SPAG16: variants seen among roughly 807,000 people sequenced by gnomAD.
SPAG16 encodes sperm-associated antigen 16 protein.
In SPAG16, 86 loss-of-function variants were observed where a neutral mutation model predicts 80.4. The ratio of observed to expected loss-of-function variants is 1.07; its 90% CI spans 0.90 to 1.28. SPAG16 has a LOEUF of 1.28. Among genes scored for constraint, SPAG16 ranks in the 50% most tolerant of loss-of-function variants. The probability of loss-of-function intolerance (pLI) is 0.00; values close to 1 mark genes in which losing one functional copy is unlikely to be tolerated. For missense variants in SPAG16, 870 were observed against 765.3 expected, an observed-to-expected ratio of 1.14 and a Z score of -1.61; for synonymous variants, 294 against 265.9, an observed-to-expected ratio of 1.11 and a Z score of -1.03.
chr2:213,634,941 T>A (rs2062303027), intron 10 of SPAG16, among the ~76,000 whole-genome samples: 1 of 152,152 alleles, frequency 6.6e-6, no homozygotes, highest in African/African-American at 2.4e-5. Context: ...TTCACTCATA[T>A]ATATATATAT....
chr2:213,982,063 C>T (rs1187411561), intron 12 of SPAG16, among the ~76,000 whole-genome samples: 1 of 151,632 alleles, frequency 6.6e-6, no homozygotes, highest in Non-Finnish European at 1.5e-5. Context: ...TATAGATGAA[C>T]TGTAACAAAT....
Position 214,271,845 on chromosome 2 carries a change from C to A in SPAG16, c.1720+122579C>A, listed in dbSNP as rs529696974. On this transcript the variant is annotated intron_variant, in intron 15 of 15. Transcript: ENST00000331683. ...AAAAAAAGAGAAACTGTGGGAAACC[C>A]CCCCCCCAAAAAAAAAGAAAGAAAA... Among the ~76,000 whole-genome samples, 259 of 142,622 alleles carry A rather than the reference C, an allele frequency of 1.8e-3. 1 individual carries two copies. The highest frequency in any genetic ancestry group is 0.011 in the East Asian group (51 of 4,778). The allele number at this position is 142,622 out of a possible 152,430, so 93.6% of individuals were successfully genotyped here.
chr2:213,465,552 G>T (rs1038023494), intron 9 of SPAG16, among the ~76,000 whole-genome samples: 1 of 152,198 alleles, frequency 6.6e-6, no homozygotes, highest in Non-Finnish European at 1.5e-5. Flanking sequence ...AGGAGAGCCA[G>T]ATTCTTAACT....
chr2:213,998,964 G>A (rs572206722), intron 12 of SPAG16, among the ~76,000 whole-genome samples: 15 of 152,288 alleles, frequency 9.8e-5, no homozygotes, highest in African/African-American at 3.4e-4. Context: ...TGACTTGGGT[G>A]CTGTTAAAGG....
chr2:213,550,044 T>C (rs1009223882), intron 10 of SPAG16, among the ~76,000 whole-genome samples: 4 of 152,126 alleles, frequency 2.6e-5, no homozygotes, highest in African/African-American at 4.8e-5. Context: ...CTTTTAAGTT[T>C]TTACATTTAT....
intron 5 of SPAG16, among the ~76,000 whole-genome samples, chr2:213,328,672 C>G (rs918324496): frequency 3.9e-5 from 6 of 152,136 alleles, no homozygotes; most frequent in Non-Finnish European, 8.8e-5. Context: ...TTTCCTGTCT[C>G]TTTGTCCATC....
intron 15 of SPAG16, among the ~76,000 whole-genome samples, chr2:214,152,255 T>C (rs970997558): frequency 1.3e-5 from 2 of 152,216 alleles, no homozygotes; most frequent in African/African-American, 4.8e-5. Context: ...AATAGTACCT[T>C]ATCTGTCTTA....
chr2:214,229,475 T>C (rs1355385674), intron 15 of SPAG16, among the ~76,000 whole-genome samples: 1 of 151,790 alleles, frequency 6.6e-6, no homozygotes, highest in Non-Finnish European at 1.5e-5. Flanking sequence ...ATTATATTTA[T>C]ATGTATGTGT....
chr2:214,200,898 A>G (rs1235979096), intron 15 of SPAG16, among the ~76,000 whole-genome samples: 2 of 152,200 alleles, frequency 1.3e-5, no homozygotes, highest in Non-Finnish European at 2.9e-5. Context: ...CAAGTTTAAC[A>G]TATTTGATAA....
rs376466987 is a variant in SPAG16, at chr2:214,062,299, A to G, written c.1528-45897A>G. ...GTTAGGTGTGGTGGCACATGCCTTAATCCCAGCTACTCAGGAGGCTGAGGC... is the reference window on the plus strand; with the variant it reads ...GTTAGGTGTGGTGGCACATGCCTTAGTCCCAGCTACTCAGGAGGCTGAGGC... On this transcript the variant is annotated intron_variant, in intron 13 of 15. Transcript: ENST00000331683. Among the ~76,000 whole-genome samples, 9 of 151,708 alleles carry G rather than the reference A, an allele frequency of 5.9e-5. No individual in the cohort carries two copies. The South Asian group carries it at 1.3e-3, about 21-fold the overall frequency.
intron 10 of SPAG16, among the ~76,000 whole-genome samples, chr2:213,687,806 C>T (rs1462356101): frequency 2.6e-5 from 4 of 152,160 alleles, no homozygotes; most frequent in African/African-American, 9.7e-5. Context: ...CCTCAAATTG[C>T]AAGATTTTGG....
At chr2:213,695,449 A>G (rs1341398944) in intron 10 of SPAG16, among the ~76,000 whole-genome samples, 2 of 152,218 alleles carry the variant, frequency 1.3e-5, no homozygotes, top group Non-Finnish European at 2.9e-5. Context: ...TGTGACAGGT[A>G]CTGTTCTGGG....
chr2:213,941,376 G>A (rs2079190444), intron 12 of SPAG16, among the ~76,000 whole-genome samples: 1 of 151,950 alleles, frequency 6.6e-6, no homozygotes, highest in African/African-American at 2.4e-5. Context: ...GCATGTAGAC[G>A]CTATCACTGA....
chr2:213,971,974 G>C (rs1390085650), intron 12 of SPAG16, among the ~76,000 whole-genome samples: 1 of 151,030 alleles, frequency 6.6e-6, no homozygotes, highest in South Asian at 2.1e-4. Flanking sequence ...TGGGTGCATA[G>C]CCATATATAT....
At chr2:213,735,405 C>T (rs1285991814) in intron 10 of SPAG16, among the ~76,000 whole-genome samples, 1 of 152,066 alleles carries the variant, frequency 6.6e-6, no homozygotes, top group Non-Finnish European at 1.5e-5. Context: ...GTTTCAAATC[C>T]TATAGAAGAG....
chr2:213,696,253 A>C (rs1021932676), intron 10 of SPAG16, among the ~76,000 whole-genome samples: 2 of 152,220 alleles, frequency 1.3e-5, no homozygotes, highest in African/African-American at 2.4e-5. Flanking sequence ...AGATCAAAAT[A>C]AAGTTGCAAT....
At chr2:213,288,865 T>G (rs1002368949) in intron 1 of SPAG16, among the ~76,000 whole-genome samples, 5 of 152,220 alleles carry the variant, frequency 3.3e-5, no homozygotes, top group African/African-American at 1.2e-4. Context: ...ACTTAATTTG[T>G]GCATGGGTTC....
intron 3 of SPAG16, among the ~76,000 whole-genome samples, chr2:213,302,250 CTGTGG>C (rs2062767202): frequency 6.6e-6 from 1 of 152,056 alleles, no homozygotes; most frequent in South Asian, 2.1e-4. Flanking sequence ...TGTGCTTATT[CTGTGG>C]TGTTTTGTTA....
At position 213,348,783 on chromosome 2, in the gene SPAG16, C is replaced by T. The variant is rs911184826; in HGVS notation, c.645-1745C>T. Among the ~76,000 whole-genome samples, 7 of 152,174 alleles carry T rather than the reference C, an allele frequency of 4.6e-5. 1 individual carries two copies. Among genetic ancestry groups the T allele is most frequent in the Admixed American group, 2.0e-4 (3 of 15,264 alleles). ...GATGGGCTTCCCTTTGTGACTAACCCGACCTTTCTCTCTGGCTGCCCTTAA... is the reference window on the plus strand; with the variant it reads ...GATGGGCTTCCCTTTGTGACTAACCTGACCTTTCTCTCTGGCTGCCCTTAA... On this transcript the variant is annotated intron_variant, in intron 6 of 15. Coordinates refer to ENST00000331683, the MANE Select transcript of SPAG16 (RefSeq NM_024532.5).
Sources: gnomAD v4.1 joint callset for allele counts (sites outside exome capture counted in the v4.1 genomes callset) on GRCh38, gnomAD v4.1.1 for gene constraint, MANE v1.5 for transcripts, NCBI Gene and HGNC (gene_info 2026-07-23, HGNC 2026-07-21) for gene names.